The following TTPA variants were observed in gnomAD, a reference collection of about 807,000 sequenced individuals.
The protein encoded by TTPA is alpha-tocopherol transfer protein.
A neutral mutation model predicts 25.9 loss-of-function variants in TTPA; 23 were observed. The ratio of observed to expected loss-of-function variants is 0.89; its 90% confidence interval spans 0.64 to 1.26. The LOEUF (loss-of-function observed/expected upper bound fraction) is 1.26, where lower values mean the gene tolerates loss of function less well. TTPA is among the 50% of genes most tolerant of loss of function. The probability of loss-of-function intolerance (pLI) is 0.00; values close to 1 mark genes in which losing one functional copy is unlikely to be tolerated. For missense variants in TTPA, 337 were observed against 353.1 expected (o/e 0.95, Z 0.37); for synonymous variants, 148 against 137.3 (o/e 1.08, Z -0.54).
chr8:63,075,784 G>A (rs6472070), intron 1 of TTPA, among the ~76,000 whole-genome samples: 10,185 of 151,560 alleles, frequency 0.067, 635 homozygotes, highest in African/African-American at 0.16. Flanking sequence ...GGAGCAGAGT[G>A]GAAACTGAAA....
downstream of TTPA, among the ~76,000 whole-genome samples, chr8:63,059,157 A>C (rs867141767): frequency 1.4e-5 from 2 of 143,960 alleles, no homozygotes; most frequent in African/African-American, 5.1e-5. Context: ...TCAGCCTCCC[A>C]AGTAGCTGGG....
chr8:63,061,298 A>C lies in TTPA; in HGVS notation c.791T>G (p.Met264Arg), dbSNP rs1805302068. Reference sequence around the variant, plus strand: ...GCTGCTGAGATAATCTTCAGACTTCATTATAAAATTTGTCCATTCCTGACA... The same window carrying C: ...GCTGCTGAGATAATCTTCAGACTTCCTTATAAAATTTGTCCATTCCTGACA... ...DICQEWTNFI[M>R]KSEDYLSSIS... The change falls in exon 5 of 5, where the codon ATG becomes AGG. Residue 264 changes from methionine (M) to arginine (R), a missense_variant. Met to Arg is a moderately conservative substitution (Grantham distance 91). Coordinates refer to ENST00000260116, the MANE Select transcript of TTPA (RefSeq NM_000370.3). 6.2e-7 allele frequency: 1 copy of C among 1,613,894 alleles called. No individual in the cohort carries two copies.
In TTPA at chr8:63,085,962, G is replaced by C. The variant is rs770230201; in HGVS notation, c.60C>G (p.His20Gln). The C allele has an allele frequency of 6.6e-7, 1 of 1,524,930 alleles. No individual in the cohort carries two copies. Among genetic ancestry groups the C allele is most frequent in the African/African-American group, 1.4e-5 (1 of 70,158 alleles). The allele number at this position is 1,524,930 out of a possible 1,614,324, so 94.5% of individuals were successfully genotyped here. Residue 20 changes from histidine to glutamine, a missense_variant, in exon 1 of 5, where the codon CAC (histidine) becomes CAG (glutamine). Coordinates refer to ENST00000260116, the MANE Select transcript of TTPA (RefSeq NM_000370.3). ...CCAGGCCCGGCTGCAGCAACGGAGA[G>C]TGGTCCGGTAGCGCGTTGAGCTGCG... ...AGPQLNALPD[H>Q]SPLLQPGLAA...
At position 63,061,145 on chromosome 8, in the gene TTPA, G is replaced by A; in HGVS notation, c.*107C>T. ...AAGATTTCTACATTTTTAAAGTTCA[G>A]GCAAGCATTAGTTTAAAAGATTTGC... On this transcript the variant is annotated 3_prime_UTR_variant, in exon 5 of 5. Coordinates refer to ENST00000260116, the MANE Select transcript of TTPA (RefSeq NM_000370.3). The A allele has an allele frequency of 8.5e-7, 1 of 1,180,920 alleles. No homozygotes were observed. Among genetic ancestry groups the A allele is most frequent in the Non-Finnish European group, 1.2e-6 (1 of 815,766 alleles). The allele number at this position is 1,180,920 out of a possible 1,614,324, so 73.2% of individuals were successfully genotyped here. A position where few individuals can be genotyped will look rare whatever the true frequency, so the allele number is the denominator to read the frequency against.
At chr8:63,079,345 A>G (rs1805622351) in intron 1 of TTPA, among the ~76,000 whole-genome samples, 1 of 152,230 alleles carries the variant, frequency 6.6e-6, no homozygotes, top group Non-Finnish European at 1.5e-5. Context: ...TTAACCTTAA[A>G]TGTAAATGGG....
Position 63,083,754 on chromosome 8 carries a change from TAAC to T in TTPA, c.204+2061_204+2063del, listed in dbSNP as rs1360023322. On this transcript the variant is annotated intron_variant, in intron 1 of 4. Transcript: ENST00000260116. The stretch of plus-strand genomic sequence containing the variant: ...ACACTTAAATAAATGCATATTATAA[TAAC>T]AATGAAAAAGTATATCTCTTTTAGC... 2.0e-5 allele frequency among the ~76,000 whole-genome samples: 3 copies of T among 152,214 alleles called. No homozygotes were observed. In the South Asian group the frequency reaches 6.2e-4, roughly 32 times the overall value.
At position 63,086,000 on chromosome 8, in the gene TTPA, G is replaced by T; in HGVS notation, c.22C>A (p.Pro8Thr). The T allele has an allele frequency of 6.7e-7, 1 of 1,487,676 alleles. No homozygotes were observed. The highest frequency in any genetic ancestry group is 1.3e-5 in the South Asian group (1 of 78,578). 92.2% of individuals were successfully genotyped at this position (1,487,676 alleles called of 1,614,324 possible). A position where few individuals can be genotyped will look rare whatever the true frequency, so the allele number is the denominator to read the frequency against. ...GCGTTGAGCTGCGGCCCCGCCGAGG[G>T]CTGGGATCGCGCCTCTGCCATGCCC... MAEARSQ[P>T]SAGPQLNALP... The change falls in exon 1 of 5, where the codon CCC (proline) becomes ACC (threonine). Residue 8 changes from proline (P) to threonine (T), a missense_variant. Physicochemically the swap from Pro to Thr is conservative, Grantham distance 38. Coordinates refer to ENST00000260116, the MANE Select transcript of TTPA (RefSeq NM_000370.3).
chr8:63,084,087 T>C (rs1422205394), intron 1 of TTPA, among the ~76,000 whole-genome samples: 1 of 152,096 alleles, frequency 6.6e-6, no homozygotes. Flanking sequence ...GGTTTCACCA[T>C]GTTGCACAGG....
Position 63,071,521 on chromosome 8 carries a change from G to A in TTPA, c.358+1414C>T, listed in dbSNP as rs184772063. Reference sequence around the variant, plus strand: ...ATAGTGTGAGTCGTTCTCCTGTGCCGGCCATTTTTAATCATATGCAGGTCT... The same window carrying A: ...ATAGTGTGAGTCGTTCTCCTGTGCCAGCCATTTTTAATCATATGCAGGTCT... On this transcript the variant is annotated intron_variant, in intron 2 of 4. Transcript: ENST00000260116. 1.4e-3 allele frequency among the ~76,000 whole-genome samples: 209 copies of A among 152,186 alleles called. 2 individuals are homozygous for A. The highest frequency in any genetic ancestry group is 3.4e-3 in the Middle Eastern group (1 of 294).
At chr8:63,065,756 C>G (rs527293207) in intron 3 of TTPA, 148 bp downstream of exon 3, 3 of 864,560 alleles carry the variant, frequency 3.5e-6, no homozygotes, top group Non-Finnish European at 3.5e-6. Context: ...TTTACTTCCT[C>G]TTAGCATTGT....
intron 2 of TTPA, among the ~76,000 whole-genome samples, chr8:63,066,433 C>T (rs986494785): frequency 6.6e-6 from 1 of 152,152 alleles, no homozygotes; most frequent in African/African-American, 2.4e-5. Context: ...AATGGAAAAG[C>T]AAGGGCCTGG....
At chr8:63,071,230 CA>C (rs893241692) in intron 2 of TTPA, among the ~76,000 whole-genome samples, 3 of 151,310 alleles carry the variant, frequency 2.0e-5, no homozygotes, top group Admixed American at 6.6e-5. Flanking sequence ...TAAGCTAGGG[CA>C]AAAAAAATTA....
intron 1 of TTPA, among the ~76,000 whole-genome samples, chr8:63,080,804 T>C (rs1308283338): frequency 7.0e-6 from 1 of 143,018 alleles, no homozygotes; most frequent in Non-Finnish European, 1.6e-5. Flanking sequence ...AAAAAAATGA[T>C]AAAGGGGATA....
intron 2 of TTPA, among the ~76,000 whole-genome samples, chr8:63,068,404 CA>C (rs1805430385): frequency 6.6e-6 from 1 of 152,120 alleles, no homozygotes; most frequent in South Asian, 2.1e-4. Context: ...GAGGATTTTT[CA>C]AGAAAGCAGA....
chr8:63,064,296 A>G lies in TTPA; in HGVS notation c.573T>C (p.Val191=). 1.2e-6 allele frequency: 2 copies of G among 1,612,580 alleles called. No homozygotes were observed. Among genetic ancestry groups the G allele is most frequent in the South Asian group, 1.1e-5 (1 of 90,988 alleles). The change falls in exon 4 of 5, where the codon GTT becomes GTC. Residue 191 remains valine (V), a synonymous_variant. Coordinates refer to ENST00000260116, the MANE Select transcript of TTPA (RefSeq NM_000370.3). ...AVLTDSFPLK[V]RGIHLINEPV... ...GTTCATTTATCAAATGGATGCCACGAACTTTCAATGGAAATGAATCCTTTT... is the reference window on the plus strand; with the variant it reads ...GTTCATTTATCAAATGGATGCCACGGACTTTCAATGGAAATGAATCCTTTT...
intron 2 of TTPA, among the ~76,000 whole-genome samples, chr8:63,067,023 C>T (rs950436613): frequency 3.3e-5 from 5 of 151,384 alleles, no homozygotes; most frequent in African/African-American, 7.3e-5. Flanking sequence ...CAAGTCTAAT[C>T]GGGGCAACAT....
At chr8:63,061,467 G>C in intron 4 of TTPA, 42 bp from the exon 5 acceptor site, 2 of 1,583,868 alleles carry the variant, frequency 1.3e-6, no homozygotes, top group Middle Eastern at 1.7e-4. Flanking sequence ...CGCATTAGAT[G>C]CATTTCCAGT....
Position 63,065,905 on chromosome 8 carries a change from G to C in TTPA, c.551C>G (p.Thr184Arg). The C allele has an allele frequency of 6.2e-7, 1 of 1,613,794 alleles. No individual in the cohort carries two copies. The highest frequency in any genetic ancestry group is 8.5e-7 in the Non-Finnish European group (1 of 1,179,822). ...SVAKKIAAVL[T>R]DSFPLKVRGI... ...CTGACAGTTAAAATATACATTTACC[G>C]TAAGTACAGCAGCAATCTTCTTGGC... The change falls in exon 3 of 5, where the codon ACG becomes AGG. Residue 184 changes from threonine (T) to arginine (R), a missense_variant and splice_region_variant. By Grantham distance (71) the Thr-to-Arg change is moderately conservative. Transcript: ENST00000260116.
intron 1 of TTPA, among the ~76,000 whole-genome samples, chr8:63,080,730 A>T (rs370088937): frequency 0.041 from 6,101 of 147,958 alleles, 223 homozygotes; most frequent in African/African-American, 0.09. Flanking sequence ...AAAAAAAAAA[A>T]AAAAATAAAT....
Sources: gnomAD v4.1 joint callset for allele counts (sites outside exome capture counted in the v4.1 genomes callset) on GRCh38, gnomAD v4.1.1 for gene constraint, MANE v1.5 for transcripts, NCBI Gene and HGNC (gene_info 2026-07-23, HGNC 2026-07-21) for gene names.